Variants in SRGAP1 observed in about 807,000 individuals in gnomAD.
SRGAP1 encodes SLIT-ROBO Rho GTPase activating protein 1, also known as SLIT-ROBO Rho GTPase-activating protein 1.
In SRGAP1, 43 loss-of-function variants were observed where a neutral mutation model predicts 121.9. The ratio of observed to expected loss-of-function variants is 0.35; its 90% CI spans 0.28 to 0.46. The LOEUF (loss-of-function observed/expected upper bound fraction) is 0.46, where lower values mean the gene tolerates loss of function less well. SRGAP1 is among the 20% of genes least tolerant of loss of function. The pLI is 1.00. For missense variants in SRGAP1, 1,102 were observed against 1,350.9 expected (o/e 0.82, Z 2.89); for synonymous variants, 447 against 485.4 (o/e 0.92, Z 1.04).
intron 10 of SRGAP1, among the ~76,000 whole-genome samples, chr12:64,084,241 C>T (rs1362710100): frequency 6.6e-6 from 1 of 151,666 alleles, no homozygotes; most frequent in Non-Finnish European, 1.5e-5. Context: ...TCATAATTCT[C>T]GAGTGAAATT....
chr12:63,880,432 GT>G (rs1393507823), intron 1 of SRGAP1, among the ~76,000 whole-genome samples: 1 of 151,980 alleles, frequency 6.6e-6, no homozygotes, highest in African/African-American at 2.4e-5. Context: ...GGGTTTCACT[GT>G]TTGGCCAGGC....
At chr12:63,924,177 A>G (rs570130081) in intron 1 of SRGAP1, among the ~76,000 whole-genome samples, 112 of 152,008 alleles carry the variant, frequency 7.4e-4, no homozygotes, top group African/African-American at 2.3e-3. Context: ...AGAAAAAAAG[A>G]AAAAAAAGAG....
At chr12:63,979,169 A>G (rs913363911) in intron 1 of SRGAP1, among the ~76,000 whole-genome samples, 2 of 149,330 alleles carry the variant, frequency 1.3e-5, no homozygotes, top group African/African-American at 4.9e-5. Flanking sequence ...CCTCCCGAGT[A>G]GCTGGGACTA....
At chr12:63,996,259 G>A (rs1290172848) in intron 3 of SRGAP1, among the ~76,000 whole-genome samples, 2 of 151,724 alleles carry the variant, frequency 1.3e-5, no homozygotes, top group Non-Finnish European at 2.9e-5. Flanking sequence ...ATATATATGT[G>A]TATATTTTAC....
At chr12:64,097,593 G>T in intron 15 of SRGAP1, 1 of 414,246 alleles carries the variant, frequency 2.4e-6, no homozygotes, top group Non-Finnish European at 4.1e-6. Context: ...AACATCCTCT[G>T]GCTCCAGAAA....
rs895439442 is a variant in SRGAP1 at position 64,160,365 on chromosome 12, A to G, written c.*17693A>G. ...TGTCTTTATCTCACATGTAATTGTG[A>G]TAGTCTGGCTGAGTATAAAATCTTA... On this transcript the variant is annotated 3_prime_UTR_variant, in exon 22 of 22. Coordinates refer to ENST00000355086, the MANE Select transcript of SRGAP1 (RefSeq NM_020762.4). 2.0e-5 allele frequency: 3 copies of G among 152,182 alleles called. No individual in the cohort carries two copies. The highest frequency in any genetic ancestry group is 4.8e-5 in the African/African-American group (2 of 41,436). The allele number at this position is 152,182 out of a possible 1,614,324, so 9.4% of individuals were successfully genotyped here. A position where few individuals can be genotyped will look rare whatever the true frequency, so the allele number is the denominator to read the frequency against.
At chr12:63,901,799 A>T (rs2029945689) in intron 1 of SRGAP1, among the ~76,000 whole-genome samples, 1 of 152,194 alleles carries the variant, frequency 6.6e-6, no homozygotes, top group Non-Finnish European at 1.5e-5. Flanking sequence ...GATTATCATC[A>T]AGTTTCTACC....
intron 1 of SRGAP1, among the ~76,000 whole-genome samples, chr12:63,907,663 T>A (rs188763435): frequency 6.6e-6 from 1 of 152,358 alleles, no homozygotes; most frequent in East Asian, 1.9e-4. Flanking sequence ...ATATGTTCTG[T>A]CATCCCGTGT....
chr12:63,875,593 A>G (rs1194531012), intron 1 of SRGAP1, among the ~76,000 whole-genome samples: 3 of 152,232 alleles, frequency 2.0e-5, no homozygotes, highest in Non-Finnish European at 4.4e-5. Context: ...CAACTCAGTA[A>G]ATAAGATTAT....
intron 3 of SRGAP1, among the ~76,000 whole-genome samples, chr12:63,995,873 A>G (rs2033683755): frequency 1.3e-5 from 2 of 152,002 alleles, no homozygotes; most frequent in South Asian, 4.2e-4. Context: ...ATACCCCAAC[A>G]TGAAAAAAAA....
In SRGAP1 at chr12:64,154,128, C is replaced by G. The variant is rs1367941790; in HGVS notation, c.*11456C>G. Reference sequence around the variant, plus strand: ...AAACAGAAAGCAGAATGGTGATTGCCAGGGATCGGGATGAGGAAGAAAATG... The same window carrying G: ...AAACAGAAAGCAGAATGGTGATTGCGAGGGATCGGGATGAGGAAGAAAATG... On this transcript the variant is annotated 3_prime_UTR_variant, in exon 22 of 22. Transcript: ENST00000355086. The G allele has an allele frequency of 3.9e-5, 6 of 152,092 alleles. No individual in the cohort carries two copies. Among genetic ancestry groups the G allele is most frequent in the Non-Finnish European group, 7.3e-5 (5 of 68,028 alleles). 9.4% of individuals were successfully genotyped at this position (152,092 alleles called of 1,614,324 possible).
In SRGAP1 at chr12:64,129,645, A is replaced by T. The variant is rs2036751998; in HGVS notation, c.2880+1445A>T. Among the ~76,000 whole-genome samples, 6 of 152,320 alleles carry T rather than the reference A, an allele frequency of 3.9e-5. 1 individual carries two copies. The South Asian group carries it at 6.2e-4, about 16-fold the overall frequency. On this transcript the variant is annotated intron_variant, in intron 21 of 21. Coordinates refer to ENST00000355086, the MANE Select transcript of SRGAP1 (RefSeq NM_020762.4). ...TTCAAATAAAAACAATAATGTCATA[A>T]TTACGCCTAACATGATACAACTGTC...
intron 1 of SRGAP1, among the ~76,000 whole-genome samples, chr12:63,881,485 C>T (rs1280985008): frequency 1.3e-5 from 2 of 152,160 alleles, no homozygotes; most frequent in African/African-American, 4.8e-5. Flanking sequence ...GACTTTAGAT[C>T]AGGATGTCTG....
chr12:63,897,629 A>G (rs73315385), intron 1 of SRGAP1, among the ~76,000 whole-genome samples: 48 of 152,302 alleles, frequency 3.2e-4, no homozygotes, highest in African/African-American at 1.1e-3. Flanking sequence ...CTTGTCTGCT[A>G]TTTCAGATGT....
chr12:63,982,290 C>T (rs2033277394), intron 1 of SRGAP1, among the ~76,000 whole-genome samples: 1 of 151,810 alleles, frequency 6.6e-6, no homozygotes, highest in Admixed American at 6.6e-5. Flanking sequence ...GTCAGACTGA[C>T]AGATCAGGGT....
intron 1 of SRGAP1, among the ~76,000 whole-genome samples, chr12:63,919,336 G>A (rs1440451009): frequency 6.6e-6 from 1 of 151,982 alleles, no homozygotes; most frequent in African/African-American, 2.4e-5. Flanking sequence ...GTGATTACAG[G>A]TGTGAGCCAC....
chr12:63,907,944 T>C (rs2030298095), intron 1 of SRGAP1, among the ~76,000 whole-genome samples: 1 of 152,214 alleles, frequency 6.6e-6, no homozygotes, highest in Admixed American at 6.5e-5. Flanking sequence ...TGCAGCACCA[T>C]TTGTTGAAAA....
intron 1 of SRGAP1, among the ~76,000 whole-genome samples, chr12:63,864,908 A>G (rs1020699123): frequency 3.3e-5 from 5 of 152,194 alleles, no homozygotes; most frequent in Admixed American, 1.3e-4. Flanking sequence ...TTCCACTCAT[A>G]TAACTATATG....
At chr12:63,853,164 C>T (rs1899130685) in intron 1 of SRGAP1, among the ~76,000 whole-genome samples, 1 of 151,782 alleles carries the variant, frequency 6.6e-6, no homozygotes, top group African/African-American at 2.4e-5. Context: ...GGAGTACAGG[C>T]ACCCGCCACC....
Sources: gnomAD v4.1 joint callset for allele counts (sites outside exome capture counted in the v4.1 genomes callset) on GRCh38, gnomAD v4.1.1 for gene constraint, MANE v1.5 for transcripts, NCBI Gene and HGNC (gene_info 2026-07-23, HGNC 2026-07-21) for gene names.